The following VAT1L variants were observed in gnomAD, a reference collection of about 807,000 sequenced individuals.
VAT1L encodes the protein vesicle amine transport 1 like.
A neutral mutation model predicts 44.1 loss-of-function variants in VAT1L; 34 were observed. The ratio of observed to expected loss-of-function variants is 0.77; its 90% CI spans 0.59 to 1.03. The LOEUF is 1.03. Ranked by LOEUF, VAT1L falls within the 50% of genes least tolerant of loss-of-function variation. The probability of loss-of-function intolerance (pLI) is 0.00; values close to 1 mark genes in which losing one functional copy is unlikely to be tolerated. For synonymous variants in VAT1L, 253 were observed against 202.2 expected (o/e 1.25, Z -2.13); for missense variants, 615 against 538.8 (o/e 1.14, Z -1.40).
chr16:77,920,372 CAGG>C (rs1324971755), intron 7 of VAT1L, among the ~76,000 whole-genome samples: 4 of 152,110 alleles, frequency 2.6e-5, no homozygotes, highest in South Asian at 2.1e-4. Flanking sequence ...CCCAGCAATG[CAGG>C]AGAAGGAAGC....
At chr16:77,906,333 G>A (rs2017436412) in intron 7 of VAT1L, among the ~76,000 whole-genome samples, 1 of 152,184 alleles carries the variant, frequency 6.6e-6, no homozygotes, top group South Asian at 2.1e-4. Flanking sequence ...GGAAAACCAG[G>A]CAAAGCTTCA....
At chr16:77,850,688 C>A (rs911239062) in intron 3 of VAT1L, among the ~76,000 whole-genome samples, 3 of 151,226 alleles carry the variant, frequency 2.0e-5, no homozygotes, top group Non-Finnish European at 2.9e-5. Flanking sequence ...ACGCATTTAT[C>A]AAAACCACAA....
At chr16:77,819,940 G>A (rs2966049) in intron 2 of VAT1L, among the ~76,000 whole-genome samples, 101,049 of 152,068 alleles carry the variant, frequency 0.66, 33,782 homozygotes, top group East Asian at 0.7. Context: ...TGTTAAGTGC[G>A]TTGGGTGTGT....
intron 4 of VAT1L, among the ~76,000 whole-genome samples, chr16:77,866,861 G>A (rs1004133713): frequency 3.3e-5 from 5 of 152,262 alleles, no homozygotes; most frequent in African/African-American, 1.2e-4. Flanking sequence ...CTAACTGCAA[G>A]GGCTTTACAA....
intron 7 of VAT1L, among the ~76,000 whole-genome samples, chr16:77,971,583 C>T (rs1415577905): frequency 2.0e-5 from 3 of 152,134 alleles, no homozygotes; most frequent in African/African-American, 7.2e-5. Context: ...CCTTCCCCCA[C>T]CCTTTTAAGG....
At chr16:77,880,135 T>C (rs112800594) in intron 6 of VAT1L, among the ~76,000 whole-genome samples, 257 of 152,294 alleles carry the variant, frequency 1.7e-3, no homozygotes, top group African/African-American at 5.9e-3. Context: ...TCTGGAGCTA[T>C]ACTTGCTAGA....
In VAT1L at chr16:77,979,614, C is replaced by A. The variant is rs2018378321; in HGVS notation, c.*1919C>A. The A allele has an allele frequency of 6.6e-6, 1 of 152,100 alleles. No individual in the cohort carries two copies. The highest frequency in any genetic ancestry group is 2.4e-5 in the African/African-American group (1 of 41,410). The allele number at this position is 152,100 out of a possible 1,614,324, so 9.4% of individuals were successfully genotyped here. On this transcript the variant is annotated 3_prime_UTR_variant, in exon 9 of 9. Transcript: ENST00000302536. ...TTCCCCCGGGGAGTGGGAACTCAGCCACATTCAGAATTCACATCGCCTTTG... is the reference window on the plus strand; with the variant it reads ...TTCCCCCGGGGAGTGGGAACTCAGCAACATTCAGAATTCACATCGCCTTTG...
chr16:77,913,078 A>C (rs1326512127), intron 7 of VAT1L, among the ~76,000 whole-genome samples: 1 of 152,168 alleles, frequency 6.6e-6, no homozygotes, highest in African/African-American at 2.4e-5. Flanking sequence ...ATAGGCATTC[A>C]GTCTATAGCA....
intron 1 of VAT1L, among the ~76,000 whole-genome samples, chr16:77,803,340 A>G (rs1199228347): frequency 3.9e-5 from 6 of 152,056 alleles, no homozygotes; most frequent in Admixed American, 2.6e-4. Flanking sequence ...TCATTCCAGA[A>G]AGTTCTATTG....
At chr16:77,908,769 C>T (rs1052229114) in intron 7 of VAT1L, among the ~76,000 whole-genome samples, 5 of 152,024 alleles carry the variant, frequency 3.3e-5, no homozygotes, top group African/African-American at 7.2e-5. Context: ...AAAAAATTAG[C>T]CGGACGTGGT....
chr16:77,944,355 T>C (rs938926621), intron 7 of VAT1L, among the ~76,000 whole-genome samples: 6 of 152,174 alleles, frequency 3.9e-5, no homozygotes, highest in African/African-American at 1.2e-4. Context: ...CTAAAAATTG[T>C]AACTAAATTT....
At position 77,977,663 on chromosome 16, in the gene VAT1L, G is replaced by A. The variant is rs770757583; in HGVS notation, c.1228G>A (p.Glu410Lys). 62 of 1,614,058 alleles carry A rather than the reference G, an allele frequency of 3.8e-5. No homozygotes were observed. Among genetic ancestry groups the A allele is most frequent in the Middle Eastern group, 1.6e-4 (1 of 6,062 alleles). Reference protein sequence around the residue: ...EEEEDHEGDSENKERMPFIQ With the variant: ...EEEEDHEGDSKNKERMPFIQ ...GGAGGAGGACCACGAGGGAGACAGC[G>A]AGAACAAGGAGCGGATGCCCTTTAT... Residue 410 changes from glutamate to lysine, a missense_variant, in exon 9 of 9, where the codon GAG (glutamate) becomes AAG (lysine). Coordinates refer to ENST00000302536, the MANE Select transcript of VAT1L (RefSeq NM_020927.3).
At chr16:77,932,801 C>T (rs75338704) in intron 7 of VAT1L, among the ~76,000 whole-genome samples, 1 of 152,192 alleles carries the variant, frequency 6.6e-6, no homozygotes, top group African/African-American at 2.4e-5. Context: ...GCATTCTTGC[C>T]TGCCTCCTGG....
Position 77,879,279 on chromosome 16 carries a change from A to T in VAT1L, c.882+55A>T. ...TGGTGGCATGTTGATTCACATGTTG[A>T]GAGCTTTGTTTTTGTTTGTTTGTTT... is the stretch of plus-strand genomic sequence containing the variant. On this transcript the variant is annotated intron_variant, in intron 6 of 8. Transcript: ENST00000302536. The surrounding 1 kb of genome is among the most constrained non-coding windows in gnomAD (Gnocchi z 4.1). The T allele has an allele frequency of 6.4e-7, 1 of 1,568,530 alleles. No individual in the cohort carries two copies. The highest frequency in any genetic ancestry group is 1.1e-5 in the South Asian group (1 of 89,718).
chr16:77,826,282 T>C (rs2016522559), intron 3 of VAT1L, among the ~76,000 whole-genome samples: 1 of 152,110 alleles, frequency 6.6e-6, no homozygotes, highest in African/African-American at 2.4e-5. Context: ...TCAATCATTG[T>C]AAGACGTCTC....
chr16:77,945,426 A>G (rs868285321), intron 7 of VAT1L, among the ~76,000 whole-genome samples: 1 of 151,908 alleles, frequency 6.6e-6, no homozygotes, highest in African/African-American at 2.4e-5. Context: ...AACTGCGATT[A>G]CAGGCACTCA....
chr16:77,793,000 G>T (rs187835256), intron 1 of VAT1L, among the ~76,000 whole-genome samples: 2 of 152,148 alleles, frequency 1.3e-5, no homozygotes, highest in East Asian at 3.9e-4. Context: ...TATTCAAACT[G>T]GAACTCTTGT....
At position 77,863,615 on chromosome 16, in the gene VAT1L, G is replaced by A. The variant is rs370197675; in HGVS notation, c.722+725G>A. ...ATAGGAAGAAAGGGGCAGGGAGGGGGCTGCTCTGGGAAAGGAAAGTCGTGT... is the reference window on the plus strand; with the variant it reads ...ATAGGAAGAAAGGGGCAGGGAGGGGACTGCTCTGGGAAAGGAAAGTCGTGT... On this transcript the variant is annotated intron_variant, in intron 4 of 8. Coordinates refer to ENST00000302536, the MANE Select transcript of VAT1L (RefSeq NM_020927.3). Among the ~76,000 whole-genome samples, 215 of 152,332 alleles carry A rather than the reference G, an allele frequency of 1.4e-3. 1 individual carries two copies. Among genetic ancestry groups the A allele is most frequent in the South Asian group, 9.5e-3 (46 of 4,828 alleles).
chr16:77,866,144 TAAG>T (rs2016971950), intron 4 of VAT1L, among the ~76,000 whole-genome samples: 1 of 152,132 alleles, frequency 6.6e-6, no homozygotes, highest in Non-Finnish European at 1.5e-5. Context: ...CCTCAGGAAA[TAAG>T]AAGAGCAAAG....
Sources: allele counts gnomAD v4.1 joint callset (sites outside exome capture counted in the v4.1 genomes callset), GRCh38; gene constraint gnomAD v4.1.1; non-coding constraint Gnocchi (gnomAD v3.1); transcripts MANE v1.5; gene names NCBI Gene and HGNC (gene_info 2026-07-23, HGNC 2026-07-21).